The following SSBP3 variants were observed in gnomAD, a reference collection of about 807,000 sequenced individuals.
SSBP3 encodes the protein single-stranded DNA-binding protein 3.
Under a neutral mutation model 69.6 loss-of-function variants are expected in SSBP3, and 5 were observed. The ratio of observed to expected loss-of-function variants is 0.07; its 90% CI spans 0.04 to 0.15. The LOEUF is 0.15. Ranked by LOEUF, SSBP3 falls within the 10% of genes least tolerant of loss-of-function variation. The pLI is 1.00. For missense variants in SSBP3, 312 were observed against 534.0 expected (o/e 0.58, Z 4.10); for synonymous variants, 196 against 193.4 (o/e 1.01, Z -0.11).
At chr1:54,328,451 G>A (rs1646349814) in intron 4 of SSBP3, among the ~76,000 whole-genome samples, 1 of 152,036 alleles carries the variant, frequency 6.6e-6, no homozygotes, top group South Asian at 2.1e-4. Flanking sequence ...ACCCTCTCTG[G>A]GCCTCCAGGT....
At chr1:54,233,459 G>A (rs1210847041) in intron 14 of SSBP3, among the ~76,000 whole-genome samples, 1 of 151,152 alleles carries the variant, frequency 6.6e-6, no homozygotes, top group Non-Finnish European at 1.5e-5. Flanking sequence ...AGCGTCTCCG[G>A]CTGGCAGCCA....
intron 4 of SSBP3, among the ~76,000 whole-genome samples, chr1:54,289,691 T>A (rs903760767): frequency 2.0e-5 from 3 of 151,878 alleles, no homozygotes; most frequent in African/African-American, 4.8e-5. Context: ...ATGCAGGAGG[T>A]GATACAGGGG....
At chr1:54,358,586 G>A (rs1646904224) in intron 4 of SSBP3, among the ~76,000 whole-genome samples, 1 of 152,172 alleles carries the variant, frequency 6.6e-6, no homozygotes, top group Non-Finnish European at 1.5e-5. Context: ...CATCCCCTGG[G>A]CCTCAGTATC....
intron 4 of SSBP3, among the ~76,000 whole-genome samples, chr1:54,284,512 G>C (rs1645452775): frequency 6.6e-6 from 1 of 151,952 alleles, no homozygotes; most frequent in Admixed American, 6.6e-5. Flanking sequence ...CTAGTCCCCA[G>C]GCTGGAGTGC....
At chr1:54,322,754 C>A (rs1269475269) in intron 4 of SSBP3, among the ~76,000 whole-genome samples, 1 of 152,126 alleles carries the variant, frequency 6.6e-6, no homozygotes, top group East Asian at 1.9e-4. Context: ...AACCAACCAA[C>A]CTAGGTTCAA....
At position 54,277,891 on chromosome 1, in the gene SSBP3, G is replaced by T. The variant is rs1396610303; in HGVS notation, c.366+3547C>A. Among the ~76,000 whole-genome samples, 100 of 152,200 alleles carry T rather than the reference G, an allele frequency of 6.6e-4. 1 individual carries two copies. Among genetic ancestry groups the T allele is most frequent in the Non-Finnish European group, 5.9e-5 (4 of 68,022 alleles). On this transcript the variant is annotated intron_variant, in intron 5 of 17. Transcript: ENST00000610401. Reference sequence around the variant, plus strand: ...AGTGAGGCTGGCCAAAGCCAAGCTGGGTTTGCCAGATGTGCAGCCCAACCG... The same window carrying T: ...AGTGAGGCTGGCCAAAGCCAAGCTGTGTTTGCCAGATGTGCAGCCCAACCG...
At chr1:54,337,630 G>A (rs977878645) in intron 4 of SSBP3, among the ~76,000 whole-genome samples, 5 of 151,088 alleles carry the variant, frequency 3.3e-5, no homozygotes, top group Admixed American at 6.6e-5. Context: ...TGAGTAGCTG[G>A]GACTACAGGC....
At chr1:54,308,683 A>G (rs1428772575) in intron 4 of SSBP3, among the ~76,000 whole-genome samples, 1 of 151,602 alleles carries the variant, frequency 6.6e-6, no homozygotes, top group Non-Finnish European at 1.5e-5. Flanking sequence ...CAGGAGAATC[A>G]CTCGAACCCA....
chr1:54,397,905 C>T (rs1649008088), intron 4 of SSBP3, among the ~76,000 whole-genome samples: 1 of 152,198 alleles, frequency 6.6e-6, no homozygotes, highest in African/African-American at 2.4e-5. Context: ...TCGCCTCTGC[C>T]AGTGACTCCA....
At chr1:54,350,675 G>C (rs1646767730) in intron 4 of SSBP3, among the ~76,000 whole-genome samples, 2 of 152,194 alleles carry the variant, frequency 1.3e-5, no homozygotes, top group Admixed American at 1.3e-4. Flanking sequence ...GGGTCTGAAT[G>C]TCTCAGCCTG....
chr1:54,337,129 T>C (rs902885449), intron 4 of SSBP3, among the ~76,000 whole-genome samples: 4 of 152,218 alleles, frequency 2.6e-5, no homozygotes, highest in African/African-American at 9.6e-5. Context: ...TCCTTCCACT[T>C]TGTGACAGTT....
At chr1:54,391,129 A>G (rs1648461978) in intron 4 of SSBP3, among the ~76,000 whole-genome samples, 1 of 152,200 alleles carries the variant, frequency 6.6e-6, no homozygotes, top group Non-Finnish European at 1.5e-5. Flanking sequence ...CTGTGTCACC[A>G]GCCTCAGTGT....
intron 4 of SSBP3, among the ~76,000 whole-genome samples, chr1:54,307,485 G>A (rs185011196): frequency 2.7e-3 from 415 of 152,234 alleles, no homozygotes; most frequent in South Asian, 0.014. Context: ...TACTAGACTT[G>A]GGCTCCTTGA....
At chr1:54,359,691 G>C (rs1646921834) in intron 4 of SSBP3, among the ~76,000 whole-genome samples, 1 of 152,188 alleles carries the variant, frequency 6.6e-6, no homozygotes, top group Non-Finnish European at 1.5e-5. Context: ...AGTAAGAAAA[G>C]CTGTTATGTA....
rs534360166 is a variant in SSBP3 at position 54,345,995 on chromosome 1, A to C, written c.276+55866T>G. On this transcript the variant is annotated intron_variant, in intron 4 of 17. Coordinates refer to ENST00000610401, the Ensembl canonical transcript of SSBP3. Reference sequence around the variant, plus strand: ...CGTCTCCACAAAAATACAAAAAAAAAAAAACAAAACAAAAACAATTAGCCA... The same window carrying C: ...CGTCTCCACAAAAATACAAAAAAAACAAAACAAAACAAAAACAATTAGCCA... Among the ~76,000 whole-genome samples the C allele has an allele frequency of 2.7e-3, 414 of 151,800 alleles. 2 individuals carry two copies. Among genetic ancestry groups the C allele is most frequent in the African/African-American group, 9.2e-3 (380 of 41,418 alleles).
chr1:54,355,835 C>CGCTTTGTG (rs905449884), intron 4 of SSBP3, among the ~76,000 whole-genome samples: 30 of 152,306 alleles, frequency 2.0e-4, no homozygotes, highest in Middle Eastern at 3.4e-3. Context: ...CCACACCTCC[C>CGCTTTGTG]GCTTTGTGCG....
At chr1:54,324,605 C>T (rs1646269234) in intron 4 of SSBP3, among the ~76,000 whole-genome samples, 1 of 152,198 alleles carries the variant, frequency 6.6e-6, no homozygotes, top group Admixed American at 6.5e-5. Context: ...GGAGAGAAGG[C>T]CAGCCTGATT....
At chr1:54,350,331 T>C (rs911040447) in intron 4 of SSBP3, among the ~76,000 whole-genome samples, 1 of 152,248 alleles carries the variant, frequency 6.6e-6, no homozygotes, top group Non-Finnish European at 1.5e-5. Context: ...ATGCTTCTTT[T>C]TGAAAGTGCG....
chr1:54,247,814 T>C (rs1644759901), intron 9 of SSBP3, among the ~76,000 whole-genome samples: 1 of 152,208 alleles, frequency 6.6e-6, no homozygotes, highest in Admixed American at 6.5e-5. Context: ...TTTAGCTTCG[T>C]CCTATTAGAA....
Sources: gnomAD v4.1 joint callset for allele counts (sites outside exome capture counted in the v4.1 genomes callset) on GRCh38, gnomAD v4.1.1 for gene constraint, MANE v1.5 for transcripts, NCBI Gene and HGNC (gene_info 2026-07-23, HGNC 2026-07-21) for gene names.